The following SEL1L3 variants were observed in gnomAD, a reference collection of about 807,000 sequenced individuals.
SEL1L3 encodes the protein protein sel-1 homolog 3.
In SEL1L3, 76 loss-of-function variants were observed where a neutral mutation model predicts 142.8. That is an observed-to-expected ratio of 0.53 (90% CI 0.44 to 0.64). SEL1L3 has a LOEUF of 0.64. Among genes scored for constraint, SEL1L3 ranks in the 30% least tolerant of loss-of-function variants. The pLI is 0.00. For missense variants in SEL1L3, 1,262 were observed against 1,381.7 expected (o/e 0.91, Z 1.37); for synonymous variants, 504 against 519.6 (o/e 0.97, Z 0.41).
At chr4:25,834,960 G>A (rs567107555) in intron 3 of SEL1L3, among the ~76,000 whole-genome samples, 6 of 152,254 alleles carry the variant, frequency 3.9e-5, no homozygotes, top group South Asian at 2.1e-4. Flanking sequence ...CTGTCTACTC[G>A]TTGTCATGTA....
intron 7 of SEL1L3, among the ~76,000 whole-genome samples, chr4:25,820,634 A>C (rs1714691808): frequency 6.6e-6 from 1 of 152,222 alleles, no homozygotes; most frequent in African/African-American, 2.4e-5. Context: ...TTTTGTTTCT[A>C]TAAAGTAGAA....
intron 2 of SEL1L3, among the ~76,000 whole-genome samples, chr4:25,840,288 G>A (rs1056908769): frequency 6.6e-6 from 1 of 151,698 alleles, no homozygotes; most frequent in Admixed American, 6.6e-5. Context: ...TGATTAACTG[G>A]AAAAAAAGGA....
chr4:25,776,451 G>A (rs1719638873), intron 16 of SEL1L3, 91 bp from the exon 17 acceptor site: 2 of 868,400 alleles, frequency 2.3e-6, no homozygotes, highest in Non-Finnish European at 3.7e-6. Flanking sequence ...TCCCACTTGG[G>A]GAATATTTTG....
At chr4:25,727,196 GCC>G in the SEL1L3 span, among the ~76,000 whole-genome samples, 1 of 152,082 alleles carries the variant, frequency 6.6e-6, no homozygotes, top group African/African-American at 2.4e-5. Context: ...GGGACTACAG[GCC>G]TGTGCCACTA....
chr4:25,716,096 G>C, the SEL1L3 span, among the ~76,000 whole-genome samples: 1 of 151,938 alleles, frequency 6.6e-6, no homozygotes, highest in Non-Finnish European at 1.5e-5. Flanking sequence ...TATCATAAGA[G>C]GTTAAAAGAC....
chr4:25,756,255 T>A (rs1233476072), intron 23 of SEL1L3: 8 of 985,216 alleles, frequency 8.1e-6, no homozygotes, highest in Admixed American at 6.2e-5. Context: ...TGGTAAAAAA[T>A]CAGTTTTCTT....
At chr4:25,740,942 G>A in the SEL1L3 span, among the ~76,000 whole-genome samples, 3 of 150,902 alleles carry the variant, frequency 2.0e-5, no homozygotes, top group South Asian at 4.2e-4. Flanking sequence ...CCCCCACCAC[G>A]CCTGGCTAAT....
intron 10 of SEL1L3, 93 bp downstream of exon 10, chr4:25,804,448 T>C (rs1713411517): frequency 4.4e-6 from 4 of 906,646 alleles, no homozygotes; most frequent in Middle Eastern, 2.5e-4. Flanking sequence ...TCCAAGGAGC[T>C]GCAACATGTC....
At chr4:25,830,194 C>T (rs757110090) in intron 5 of SEL1L3, 38 bp from the exon 6 acceptor site, 5 of 1,260,730 alleles carry the variant, frequency 4.0e-6, no homozygotes, top group Non-Finnish European at 5.8e-6. Flanking sequence ...AGTTATGCCT[C>T]ATCACCCTAC....
chr4:25,773,966 T>C (rs1719419437), intron 17 of SEL1L3, among the ~76,000 whole-genome samples: 1 of 152,174 alleles, frequency 6.6e-6, no homozygotes, highest in Non-Finnish European at 1.5e-5. Flanking sequence ...TCCTCCTAAG[T>C]ACCCCCAGTG....
rs772430064 is a variant in SEL1L3, at chr4:25,847,732, C to G, written c.295G>C (p.Val99Leu). The G allele has an allele frequency of 6.2e-7, 1 of 1,613,924 alleles. No homozygotes were observed. The highest frequency in any genetic ancestry group is 1.7e-5 in the Admixed American group (1 of 60,026). The part of the protein sequence containing the change: ...FEGNVRNVSE[V>L]SVEYLCSQPC... ...TGAGAGCATAAATACTCAACCGAGA[C>G]TTCAGAAACGTTGCGAACGTTTCCT... The change falls in exon 2 of 24, where the codon GTC becomes CTC. Residue 99 changes from valine (V) to leucine (L), a missense_variant. Val to Leu is a conservative substitution (Grantham distance 32). Transcript: ENST00000399878.
At chr4:25,863,195 C>A, upstream of SEL1L3, among the ~76,000 whole-genome samples, 1 of 129,276 alleles carries the variant, frequency 7.7e-6, no homozygotes, top group East Asian at 2.3e-4. Context: ...GCCGCCGCCA[C>A]CCCCCGCCCG....
intron 9 of SEL1L3, among the ~76,000 whole-genome samples, chr4:25,808,771 C>A (rs1560318599): frequency 3.8e-5 from 2 of 52,228 alleles, no homozygotes; most frequent in South Asian, 7.0e-4. Flanking sequence ...TTTTCTTTTT[C>A]AAAAAAAGCC....
intron 2 of SEL1L3, among the ~76,000 whole-genome samples, chr4:25,839,330 CA>C (rs1716026665): frequency 6.6e-6 from 1 of 152,152 alleles, no homozygotes; most frequent in African/African-American, 2.4e-5. Context: ...AGAATAAAAC[CA>C]GTTCTACTCC....
the SEL1L3 span, among the ~76,000 whole-genome samples, chr4:25,716,146 G>T: frequency 1.3e-5 from 2 of 151,946 alleles, no homozygotes; most frequent in South Asian, 4.2e-4. Context: ...ACTGAGAAAA[G>T]ATTCGTATCC....
intron 19 of SEL1L3, among the ~76,000 whole-genome samples, chr4:25,766,232 A>G (rs1017911136): frequency 6.6e-6 from 1 of 152,140 alleles, no homozygotes; most frequent in Non-Finnish European, 1.5e-5. Context: ...GCAGGTCAGG[A>G]GTTCAAGACC....
At chr4:25,822,480 G>T (rs926441411) in intron 6 of SEL1L3, among the ~76,000 whole-genome samples, 2 of 152,198 alleles carry the variant, frequency 1.3e-5, no homozygotes, top group Non-Finnish European at 2.9e-5. Flanking sequence ...TCAATATGTG[G>T]TATTGATAGT....
the SEL1L3 span, among the ~76,000 whole-genome samples, chr4:25,726,665 C>T: frequency 6.6e-6 from 1 of 152,176 alleles, no homozygotes; most frequent in Non-Finnish European, 1.5e-5. Flanking sequence ...CCAGGTTTCC[C>T]TGCTCTGTGG....
chr4:25,802,771 T>C (rs1292537423), intron 10 of SEL1L3, among the ~76,000 whole-genome samples: 1 of 152,048 alleles, frequency 6.6e-6, no homozygotes, highest in African/African-American at 2.4e-5. Flanking sequence ...TTAGTAGAGA[T>C]GGGATTTCAC....
Sources: allele counts gnomAD v4.1 joint callset (sites outside exome capture counted in the v4.1 genomes callset), GRCh38; gene constraint gnomAD v4.1.1; transcripts MANE v1.5; gene names NCBI Gene and HGNC (gene_info 2026-07-23, HGNC 2026-07-21).